The following MID1 variants were observed in gnomAD, a reference collection of about 807,000 sequenced individuals.
MID1 encodes midline 1.
In MID1, 7 loss-of-function variants were observed where a neutral mutation model predicts 40.4. That is an observed-to-expected ratio of 0.17 (90% confidence interval 0.10 to 0.33). MID1 has a LOEUF of 0.33. Ranked by LOEUF, MID1 falls within the 10% of genes least tolerant of loss-of-function variation. The pLI, the probability that MID1 is intolerant of heterozygous loss-of-function variation, is 1.00. For synonymous variants in MID1, 229 were observed against 221.2 expected (o/e 1.04, Z -0.31); for missense variants, 367 against 558.5 (o/e 0.66, Z 3.46).
At chrX:10,490,941 C>T (rs1378274652) in intron 4 of MID1, among the ~76,000 whole-genome samples, 1 of 112,247 alleles carries the variant, frequency 8.9e-6, no homozygotes, top group African/African-American at 3.2e-5. Context: ...GGCATGAAGA[C>T]ATTTACACAA....
At chrX:10,515,521 T>C (rs1202381174) in intron 3 of MID1, among the ~76,000 whole-genome samples, 2 of 112,110 alleles carry the variant, frequency 1.8e-5, no homozygotes, top group Non-Finnish European at 1.9e-5. Flanking sequence ...ACAACAAAGA[T>C]AGATTAAAAA....
At chrX:10,481,614 A>AT (rs571892673) in intron 5 of MID1, among the ~76,000 whole-genome samples, 1,515 of 103,176 alleles carry the variant, frequency 0.015, 23 homozygotes, top group African/African-American at 0.027. Context: ...TAATTTTTGT[A>AT]TTTTTTTTTT....
intron 1 of MID1, among the ~76,000 whole-genome samples, chrX:10,809,566 G>A (rs1394987082): frequency 1.8e-5 from 2 of 111,492 alleles, no homozygotes; most frequent in African/African-American, 6.5e-5. Context: ...AAGAAAATGT[G>A]GCACATACAC....
At chrX:10,584,342 T>C (rs754539253) in intron 1 of MID1, among the ~76,000 whole-genome samples, 1 of 112,543 alleles carries the variant, frequency 8.9e-6, no homozygotes, top group South Asian at 3.7e-4. Context: ...TCTTAAGTGT[T>C]TGATTCTACG....
chrX:10,614,995 G>A (rs1935814892), intron 1 of MID1, among the ~76,000 whole-genome samples: 1 of 111,745 alleles, frequency 8.9e-6, no homozygotes, highest in South Asian at 3.7e-4. Flanking sequence ...TTTCTCTATT[G>A]AGAAAAATAA....
chrX:10,596,254 A>G (rs752656073), intron 1 of MID1, among the ~76,000 whole-genome samples: 2 of 111,110 alleles, frequency 1.8e-5, no homozygotes, highest in Non-Finnish European at 3.8e-5. Flanking sequence ...TTTAAACATA[A>G]GAGAAAATTA....
intron 1 of MID1, among the ~76,000 whole-genome samples, chrX:10,637,634 A>G (rs112889862): frequency 0.039 from 4,301 of 110,338 alleles, 103 homozygotes; most frequent in Non-Finnish European, 0.059. Context: ...AAAAAAAAAA[A>G]AAAGAAAGAA....
At chrX:10,509,834 G>A (rs774627132) in intron 3 of MID1, among the ~76,000 whole-genome samples, 1 of 112,157 alleles carries the variant, frequency 8.9e-6, no homozygotes, top group East Asian at 2.8e-4. Context: ...CTCTAGAGGT[G>A]TTCCATTCAC....
At chrX:10,758,461 T>C (rs2043649917) in intron 1 of MID1, among the ~76,000 whole-genome samples, 1 of 105,471 alleles carries the variant, frequency 9.5e-6, no homozygotes, top group African/African-American at 3.5e-5. Flanking sequence ...CTTTAAACAG[T>C]ACTTTTTCTT....
intron 1 of MID1, among the ~76,000 whole-genome samples, chrX:10,718,525 T>A (rs1470230689): frequency 3.6e-5 from 4 of 111,373 alleles, no homozygotes; most frequent in African/African-American, 6.5e-5. Context: ...AATAGACCAA[T>A]AACAGGATCT....
At chrX:10,468,726 A>G (rs1929524282) in intron 7 of MID1, among the ~76,000 whole-genome samples, 1 of 111,376 alleles carries the variant, frequency 9.0e-6, no homozygotes, top group Non-Finnish European at 1.9e-5. Context: ...CTCTGATGCC[A>G]GATATCAAAT....
rs1928202814 is a variant in MID1, at chrX:10,449,626, A to G, written c.1746T>C (p.Asn582=). 3.3e-6 allele frequency: 4 copies of G among 1,211,379 alleles called. No homozygotes were observed. The highest frequency in any genetic ancestry group is 4.5e-6 in the Non-Finnish European group (4 of 895,370). ...TGCTATTGTGTCTCACCACCCAGTTATTGTTGCAGCGGCAGAGCGCCCAGG... is the reference window on the plus strand; with the variant it reads ...TGCTATTGTGTCTCACCACCCAGTTGTTGTTGCAGCGGCAGAGCGCCCAGG... ...SASWALCRCN[N]NWVVRHNSKE... is the part of the protein sequence containing the mutation. The change falls in exon 10 of 10, where the codon AAT becomes AAC. Residue 582 remains asparagine (N), a synonymous_variant. Coordinates refer to ENST00000317552, the MANE Select transcript of MID1 (RefSeq NM_000381.4).
chrX:10,609,410 G>A (rs2147530249), intron 1 of MID1, among the ~76,000 whole-genome samples: 1 of 111,709 alleles, frequency 9.0e-6, no homozygotes, highest in Admixed American at 9.5e-5. Flanking sequence ...CCAATACTCT[G>A]TTAAGTGCTT....
At chrX:10,450,517 TTATTA>T (rs965827994) in intron 9 of MID1, among the ~76,000 whole-genome samples, 3 of 112,625 alleles carry the variant, frequency 2.7e-5, no homozygotes, top group East Asian at 2.8e-4. Flanking sequence ...GCTATTTATT[TTATTA>T]TTATTGCCTG....
At chrX:10,652,479 A>G (rs1936326901) in intron 1 of MID1, among the ~76,000 whole-genome samples, 1 of 111,738 alleles carries the variant, frequency 8.9e-6, no homozygotes, top group Admixed American at 9.5e-5. Context: ...TTTTGATTGC[A>G]TTACTGCTGG....
chrX:10,488,464 T>C lies in MID1; in HGVS notation c.865-5836A>G, dbSNP rs983870821. Among the ~76,000 whole-genome samples, 3 of 112,282 alleles carry C rather than the reference T, an allele frequency of 2.7e-5. No individual in the cohort carries two copies. In the Admixed American group the frequency reaches 2.8e-4, roughly 11 times the overall value. ...GGTTCCTTCACATTTTTGCCAACAC[T>C]TGGTATGCGCCATCTTTTGAATTTT... On this transcript the variant is annotated intron_variant, in intron 4 of 9. Transcript: ENST00000317552.
chrX:10,565,517 T>C (rs1468184322), intron 2 of MID1: 2 of 329,420 alleles, frequency 6.1e-6, no homozygotes, highest in Admixed American at 3.1e-5. Flanking sequence ...TTCTAAGTGA[T>C]AACACTCTTT....
At chrX:10,556,484 G>A (rs190705084) in intron 2 of MID1, among the ~76,000 whole-genome samples, 199 of 111,941 alleles carry the variant, frequency 1.8e-3, no homozygotes, top group Non-Finnish European at 1.2e-3. Context: ...ATTCCCTTGA[G>A]AGTTGTTCAA....
intron 1 of MID1, among the ~76,000 whole-genome samples, chrX:10,717,516 C>T (rs1403913394): frequency 1.4e-4 from 15 of 110,582 alleles, no homozygotes; most frequent in Non-Finnish European, 1.7e-4. Flanking sequence ...TATATATGCA[C>T]CCAATACAGG....
Sources: allele counts gnomAD v4.1 joint callset (sites outside exome capture counted in the v4.1 genomes callset), GRCh38; gene constraint gnomAD v4.1.1; transcripts MANE v1.5; gene names NCBI Gene and HGNC (gene_info 2026-07-23, HGNC 2026-07-21).